Variants in RARB observed in about 807,000 individuals in gnomAD.
RARB encodes the protein retinoic acid receptor beta, also known as HBV-activated protein.
RARB carries 17 observed loss-of-function variants against 51.9 expected under a neutral mutation model. The ratio of observed to expected loss-of-function variants is 0.33; its 90% confidence interval spans 0.22 to 0.49. RARB has a LOEUF of 0.49. Ranked by LOEUF, RARB falls within the 20% of genes least tolerant of loss-of-function variation. The pLI, the probability that RARB is intolerant of heterozygous loss-of-function variation, is 0.99. For missense variants in RARB, 369 were observed against 550.8 expected (o/e 0.67, Z 3.30); for synonymous variants, 215 against 195.4 (o/e 1.10, Z -0.84).
At chr3:25,139,353 A>T (rs1700076747) in intron 4 of RARB, among the ~76,000 whole-genome samples, 1 of 152,196 alleles carries the variant, frequency 6.6e-6, no homozygotes, top group African/African-American at 2.4e-5. Context: ...AGGAAATTAA[A>T]AGTGCTACTC....
At chr3:24,987,608 C>G (rs1696822174) in intron 2 of RARB, among the ~76,000 whole-genome samples, 2 of 152,210 alleles carry the variant, frequency 1.3e-5, no homozygotes, top group Non-Finnish European at 2.9e-5. Context: ...TCCTGAGGGA[C>G]TGTTCTACAC....
chr3:25,349,073 C>T (rs890634821), intron 5 of RARB, among the ~76,000 whole-genome samples: 3 of 152,142 alleles, frequency 2.0e-5, no homozygotes, highest in African/African-American at 7.2e-5. Context: ...ATTACCCATT[C>T]ATGTCCTACA....
intron 1 of RARB, among the ~76,000 whole-genome samples, chr3:24,837,912 A>C (rs1575029903): frequency 6.6e-6 from 1 of 152,234 alleles, no homozygotes; most frequent in Non-Finnish European, 1.5e-5. Context: ...GGCTGAAAAC[A>C]TCACACATTC....
At chr3:25,308,952 A>AC (rs1704218318) in intron 5 of RARB, among the ~76,000 whole-genome samples, 4 of 151,958 alleles carry the variant, frequency 2.6e-5, no homozygotes, top group African/African-American at 9.7e-5. Context: ...TAGAAGTTAT[A>AC]TTTCTTGTTA....
intron 2 of RARB, among the ~76,000 whole-genome samples, chr3:24,986,340 T>G (rs1331689416): frequency 1.3e-5 from 2 of 152,224 alleles, no homozygotes; most frequent in Non-Finnish European, 2.9e-5. Flanking sequence ...ATTTCCAACT[T>G]CCGTCTCTTC....
intron 1 of RARB, among the ~76,000 whole-genome samples, chr3:24,853,117 A>T (rs1033713597): frequency 6.6e-6 from 1 of 151,494 alleles, no homozygotes; most frequent in Non-Finnish European, 1.5e-5. Flanking sequence ...GATTGAGACC[A>T]TTCTGGTTAA....
rs368839629 is a variant in RARB at position 25,179,417 on chromosome 3, T to C, written c.178+4842T>C. On this transcript the variant is annotated intron_variant, in intron 5 of 11. Transcript: ENST00000383772. ...TGAGTTATATTTGTCCTTAAACTTA[T>C]GCAATGACTCTACTGGACAGGAATC... Among the ~76,000 whole-genome samples the C allele has an allele frequency of 6.8e-4, 103 of 152,338 alleles. 1 individual carries two copies. The highest frequency in any genetic ancestry group is 2.1e-3 in the African/African-American group (87 of 41,582).
chr3:25,180,198 G>A (rs1049997652), intron 5 of RARB, among the ~76,000 whole-genome samples: 1 of 151,974 alleles, frequency 6.6e-6, no homozygotes, highest in Admixed American at 6.6e-5. Flanking sequence ...CTTTTTCCTA[G>A]GAAGGACATG....
At chr3:25,430,733 T>G (rs1559397908) in intron 1 of RARB, among the ~76,000 whole-genome samples, 1 of 152,196 alleles carries the variant, frequency 6.6e-6, no homozygotes, top group Non-Finnish European at 1.5e-5. Flanking sequence ...AAACTTGCAT[T>G]AGACAAAGTA....
At chr3:25,228,573 C>G (rs2363594) in intron 5 of RARB, among the ~76,000 whole-genome samples, 1 of 151,732 alleles carries the variant, frequency 6.6e-6, no homozygotes, top group Non-Finnish European at 1.5e-5. Context: ...TTTTTTTAAT[C>G]AGAGAGGAGT....
At chr3:24,978,531 T>G (rs573584623) in intron 2 of RARB, among the ~76,000 whole-genome samples, 1 of 152,342 alleles carries the variant, frequency 6.6e-6, no homozygotes, top group African/African-American at 2.4e-5. Context: ...GATTTTCTAA[T>G]TTATTTGCAT....
chr3:24,845,341 G>A (rs975761800), intron 1 of RARB, among the ~76,000 whole-genome samples: 6 of 152,148 alleles, frequency 3.9e-5, no homozygotes, highest in Admixed American at 2.6e-4. Context: ...GGTATACCTC[G>A]ACTAGGAAGG....
intron 2 of RARB, among the ~76,000 whole-genome samples, chr3:24,961,919 C>CTTT (rs35078496): frequency 2.8e-5 from 2 of 70,674 alleles, no homozygotes; most frequent in Non-Finnish European, 4.9e-5. Context: ...CTTTGGGTGT[C>CTTT]TTTTTTTTTT....
intron 2 of RARB, among the ~76,000 whole-genome samples, chr3:24,966,303 G>A (rs1362069976): frequency 1.3e-5 from 2 of 152,002 alleles, no homozygotes; most frequent in Admixed American, 6.6e-5. Context: ...ACTGGGATGG[G>A]GAGTTGTAGG....
Position 25,441,888 on chromosome 3 carries a change from A to G in RARB, c.157+13000A>G, listed in dbSNP as rs536446571. On this transcript the variant is annotated intron_variant, in intron 1 of 7. Transcript: ENST00000330688. ...GTGCTAATATAGTACTTGGTCTATG[A>G]TCCTCAGTAAACTATGGTTGAACCC... 2.0e-5 allele frequency among the ~76,000 whole-genome samples: 3 copies of G among 152,192 alleles called. No individual in the cohort carries two copies. In the South Asian group the frequency reaches 6.2e-4, roughly 32 times the overall value.
chr3:25,325,654 T>A (rs1426087644), intron 5 of RARB, among the ~76,000 whole-genome samples: 1 of 152,036 alleles, frequency 6.6e-6, no homozygotes, highest in African/African-American at 2.4e-5. Context: ...TTACTCGTGC[T>A]TGTCTGTTGA....
chr3:24,919,068 A>G (rs1476540065), intron 2 of RARB, among the ~76,000 whole-genome samples: 1 of 152,148 alleles, frequency 6.6e-6, no homozygotes, highest in African/African-American at 2.4e-5. Flanking sequence ...TAAAATAGCA[A>G]TAAGAGTATG....
At chr3:24,909,436 G>A (rs116761109) in intron 2 of RARB, among the ~76,000 whole-genome samples, 70 of 152,278 alleles carry the variant, frequency 4.6e-4, no homozygotes, top group African/African-American at 1.6e-3. Flanking sequence ...TCACTGACGC[G>A]GGTGAATGCA....
At chr3:25,004,412 C>G (rs1697226927) in intron 2 of RARB, among the ~76,000 whole-genome samples, 1 of 152,048 alleles carries the variant, frequency 6.6e-6, no homozygotes, top group South Asian at 2.1e-4. Context: ...CTGAAAAGTC[C>G]AAGATCAAGA....
Sources: allele counts gnomAD v4.1 joint callset (sites outside exome capture counted in the v4.1 genomes callset), GRCh38; gene constraint gnomAD v4.1.1; transcripts MANE v1.5; gene names NCBI Gene and HGNC (gene_info 2026-07-23, HGNC 2026-07-21).